TPD52L2: variants seen among roughly 807,000 people sequenced by gnomAD.
The protein encoded by TPD52L2 is TPD52 like 2, also known as tumor protein D54.
A neutral mutation model predicts 24.7 loss-of-function variants in TPD52L2; 19 were observed. That is an observed-to-expected ratio of 0.77 (90% CI 0.54 to 1.13). The LOEUF (loss-of-function observed/expected upper bound fraction) is 1.13. Among genes scored for constraint, TPD52L2 ranks in the 50% most tolerant of loss-of-function variants. The probability of loss-of-function intolerance (pLI) is 0.00; values close to 1 mark genes in which losing one functional copy is unlikely to be tolerated. For synonymous variants in TPD52L2, 104 were observed against 100.2 expected, an observed-to-expected ratio of 1.04 and a Z score of -0.23; for missense variants, 236 against 250.4, an observed-to-expected ratio of 0.94 and a Z score of 0.39.
chr20:63,887,242 G>T, intron 5 of TPD52L2: 1 of 470,520 alleles, frequency 2.1e-6, no homozygotes. Context: ...TTGCCAAAAG[G>T]TCCTTACTTG....
chr20:63,881,987 T>C (rs538383697), intron 4 of TPD52L2, among the ~76,000 whole-genome samples: 130 of 152,304 alleles, frequency 8.5e-4, no homozygotes, highest in African/African-American at 3.0e-3. Context: ...GATGTACCCA[T>C]GTGGGTGGAC....
intron 2 of TPD52L2, among the ~76,000 whole-genome samples, chr20:63,873,013 G>T (rs536010943): frequency 2.0e-5 from 3 of 146,870 alleles, no homozygotes; most frequent in Non-Finnish European, 3.0e-5. Context: ...GCGCCCGGCC[G>T]GTCTTCACCT....
chr20:63,887,886 G>C (rs1273830009), intron 5 of TPD52L2: 2 of 529,636 alleles, frequency 3.8e-6, no homozygotes, highest in Non-Finnish European at 3.4e-6. Flanking sequence ...TGCCTGCAGT[G>C]GGTGGGGTGG....
intron 4 of TPD52L2, 61 bp downstream of exon 4, chr20:63,875,936 G>A (rs770907736): frequency 2.6e-5 from 39 of 1,528,582 alleles, no homozygotes; most frequent in East Asian, 4.5e-5. Flanking sequence ...ACACTCAGTC[G>A]GGGAAGGGGG....
At chr20:63,881,053 C>T (rs555936413) in intron 4 of TPD52L2, among the ~76,000 whole-genome samples, 14 of 152,134 alleles carry the variant, frequency 9.2e-5, no homozygotes, top group South Asian at 2.1e-4. Context: ...GGGCTGAGCA[C>T]GGTGGCTCAC....
Position 63,889,933 on chromosome 20 carries a change from C to T in TPD52L2, c.609C>T (p.Pro203=), listed in dbSNP as rs747166056. 28 of 1,614,046 alleles carry T rather than the reference C, an allele frequency of 1.7e-5. No individual in the cohort carries two copies. Among genetic ancestry groups the T allele is most frequent in the Non-Finnish European group, 2.2e-5 (26 of 1,180,052 alleles). The change falls in exon 7 of 7, where the codon CCC becomes CCT. Residue 203 remains proline, a synonymous_variant. Transcript: ENST00000346249. ...GTGGTGACAAGCCCCTGTCGGATCCCGCACCTTTCTAAGCCTGTGGTTGCT... is the reference window on the plus strand; with the variant it reads ...GTGGTGACAAGCCCCTGTCGGATCCTGCACCTTTCTAAGCCTGTGGTTGCT... ...AGSGDKPLSD[P]APF
intron 2 of TPD52L2, among the ~76,000 whole-genome samples, chr20:63,871,061 G>T (rs1311000816): frequency 6.7e-6 from 1 of 150,278 alleles, no homozygotes; most frequent in Non-Finnish European, 1.5e-5. Context: ...TGTTTTTCTT[G>T]AGACAGAGTC....
intron 4 of TPD52L2, among the ~76,000 whole-genome samples, chr20:63,880,620 G>C (rs2052857036): frequency 6.6e-6 from 1 of 152,256 alleles, no homozygotes; most frequent in Non-Finnish European, 1.5e-5. Context: ...GCTGGGCACG[G>C]TGGCTCACAC....
At chr20:63,882,571 C>G in intron 4 of TPD52L2, 148 bp from the exon 5 acceptor site, 1 of 677,044 alleles carries the variant, frequency 1.5e-6, no homozygotes, top group Admixed American at 2.2e-5. Context: ...GGCCTGCACC[C>G]CCTCTGTAGA....
chr20:63,874,604 G>A (rs2052596740), intron 3 of TPD52L2, among the ~76,000 whole-genome samples: 1 of 151,992 alleles, frequency 6.6e-6, no homozygotes, highest in South Asian at 2.1e-4. Context: ...AAATTTCTGG[G>A]CTCAAGCAAT....
chr20:63,889,194 T>TCTGGC lies in TPD52L2; in HGVS notation c.484_485insGCCTG (p.Ala162GlyfsTer15). 1 of 1,613,520 alleles carries TCTGGC rather than the reference T, an allele frequency of 6.2e-7. No individual in the cohort carries two copies. Among genetic ancestry groups the TCTGGC allele is most frequent in the African/African-American group, 1.3e-5 (1 of 75,028 alleles). ...CTCTTCCCTCTCTCTTTAAAGGAAC[T>TCTGGC]CTGCGACCTTCAAGTCGTTTGAGGA... On this transcript the variant is annotated frameshift_variant, in exon 6 of 7. Transcript: ENST00000346249. LOFTEE classifies it high-confidence loss of function.
chr20:63,866,004 C>G (rs958289931), intron 1 of TPD52L2, among the ~76,000 whole-genome samples: 1 of 152,188 alleles, frequency 6.6e-6, no homozygotes, highest in African/African-American at 2.4e-5. Flanking sequence ...CACTGAGGGG[C>G]GTGGAGCGAG....
intron 5 of TPD52L2, chr20:63,887,061 A>G: frequency 5.2e-6 from 1 of 193,660 alleles, no homozygotes. Flanking sequence ...ACTACCCGAG[A>G]GCCCATAGGT....
At position 63,875,918 on chromosome 20, in the gene TPD52L2, G is replaced by A. The variant is rs373336624; in HGVS notation, c.374+43G>A. 1.1e-5 allele frequency: 17 copies of A among 1,594,464 alleles called. No homozygotes were observed. In the African/African-American group the frequency reaches 1.6e-4, roughly 15 times the overall value. ...CAGCACCTCCTCCTTCCTCCTCTCC[G>A]CCTCCTGACACTCAGTCGGGGAAGG... On this transcript the variant is annotated intron_variant, in intron 4 of 6. Coordinates refer to ENST00000346249, the MANE Select transcript of TPD52L2 (RefSeq NM_003288.4).
rs911761561 is a variant in TPD52L2, at chr20:63,877,990, C to T, written c.374+2115C>T. ...CGAGGCCGAGGGCGGTGGTTTCTGC[C>T]GGGACGGCCCAGACGGAAGGGATGC... On this transcript the variant is annotated intron_variant, in intron 4 of 6. Coordinates refer to ENST00000346249, the MANE Select transcript of TPD52L2 (RefSeq NM_003288.4). The surrounding 1 kb of genome is among the most constrained non-coding windows in gnomAD (Gnocchi z 4.1). Among the ~76,000 whole-genome samples the T allele has an allele frequency of 5.3e-5, 8 of 152,256 alleles. No homozygotes were observed. Among genetic ancestry groups the T allele is most frequent in the South Asian group, 4.1e-4 (2 of 4,838 alleles).
At chr20:63,867,332 G>T (rs79459029) in intron 1 of TPD52L2, among the ~76,000 whole-genome samples, 6,344 of 152,262 alleles carry the variant, frequency 0.042, 373 homozygotes, top group East Asian at 0.25. Flanking sequence ...TTGGGAGGCC[G>T]AGGCCAGTGG....
In TPD52L2 at chr20:63,877,870, G is replaced by A. The variant is rs1050183989; in HGVS notation, c.374+1995G>A. Among the ~76,000 whole-genome samples the A allele has an allele frequency of 6.6e-6, 1 of 152,024 alleles. No homozygotes were observed. Among genetic ancestry groups the A allele is most frequent in the Non-Finnish European group, 1.5e-5 (1 of 68,042 alleles). ...CGTTTCTGCCGGGAAGGCCCAGGCC[G>A]AGGGCGATGGTTTCTGCCGGGACGG... On this transcript the variant is annotated intron_variant, in intron 4 of 6. Transcript: ENST00000346249. The surrounding 1 kb of genome is among the most constrained non-coding windows in gnomAD (Gnocchi z 4.1).
chr20:63,880,515 G>T (rs888497222), intron 4 of TPD52L2, among the ~76,000 whole-genome samples: 2 of 152,276 alleles, frequency 1.3e-5, no homozygotes, highest in Admixed American at 1.3e-4. Context: ...AGGTGACTTT[G>T]CTTCAGCGAA....
chr20:63,883,844 C>CCCTGCCTGCCTCCCTG (rs1568956852), intron 5 of TPD52L2, among the ~76,000 whole-genome samples: 1 of 149,286 alleles, frequency 6.7e-6, no homozygotes, highest in African/African-American at 2.5e-5. Flanking sequence ...CTGCCTGCCT[C>CCCTGCCTGCCTCCCTG]CCTGCCTGCC....
Sources: gnomAD v4.1 joint callset for allele counts (sites outside exome capture counted in the v4.1 genomes callset) on GRCh38, gnomAD v4.1.1 for gene constraint, Gnocchi (gnomAD v3.1) non-coding constraint, MANE v1.5 for transcripts, NCBI Gene and HGNC (gene_info 2026-07-23, HGNC 2026-07-21) for gene names.